TACC2: variants seen among roughly 807,000 people sequenced by gnomAD.
The protein encoded by TACC2 is transforming acidic coiled-coil containing protein 2.
A neutral mutation model predicts 227.3 loss-of-function variants in TACC2; 137 were observed. The observed-to-expected ratio is 0.60, with a 90% CI of 0.52 to 0.69. The LOEUF is 0.69. TACC2 is among the 30% of genes least tolerant of loss of function. The probability of loss-of-function intolerance (pLI) is 0.00; values close to 1 mark genes in which losing one functional copy is unlikely to be tolerated. For synonymous variants in TACC2, 1,523 were observed against 1,487.5 expected (o/e 1.02, Z -0.55); for missense variants, 3,470 against 3,694.4 (o/e 0.94, Z 1.57).
rs1341866497 is a variant in TACC2 at position 122,085,427 on chromosome 10, G to A, written c.2927G>A (p.Gly976Glu). 1 of 1,613,890 alleles carries A rather than the reference G, an allele frequency of 6.2e-7. No individual in the cohort carries two copies. The highest frequency in any genetic ancestry group is 1.7e-5 in the Admixed American group (1 of 60,028). Residue 976 changes from glycine (G) to glutamate (E), a missense_variant, in exon 4 of 23, where the codon GGG becomes GAG. Around this residue, in one of 10 missense-constraint regions of TACC2, gnomAD observed 1,924 missense variants for 1,978.3 expected, o/e 0.97. Transcript: ENST00000369005. ...GTCTTAAAAGACTTTTCTCTTGCAG[G>A]GAACTTCAGCAGAAAGGAAACTTGC... The part of the protein sequence containing the change: ...ADVLKDFSLA[G>E]NFSRKETCCT...
intron 5 of TACC2, among the ~76,000 whole-genome samples, chr10:122,113,772 C>A (rs963054101): frequency 1.3e-5 from 2 of 152,264 alleles, no homozygotes. Flanking sequence ...CGAATAGTTA[C>A]GTCAGCAGGG....
At chr10:122,199,973 C>T (rs2094724486) in intron 8 of TACC2, among the ~76,000 whole-genome samples, 1 of 152,236 alleles carries the variant, frequency 6.6e-6, no homozygotes, top group Admixed American at 6.5e-5. Flanking sequence ...GCCCCACCTC[C>T]TGATACCATC....
At position 122,085,099 on chromosome 10, in the gene TACC2, G is replaced by T; in HGVS notation, c.2599G>T (p.Asp867Tyr). Reference protein sequence around the residue: ...ETSPSHPGFKDQGADSSQIHV... With the variant: ...ETSPSHPGFKYQGADSSQIHV... ...TTCTCCAAGCCATCCAGGTTTTAAG[G>T]ACCAGGGAGCAGATTCTTCCCAAAT... is the stretch of plus-strand genomic sequence containing the variant. The change falls in exon 4 of 23, where the codon GAC becomes TAC. Residue 867 changes from aspartate to tyrosine, a missense_variant. Physicochemically the swap from Asp to Tyr is radical, Grantham distance 160. Transcript: ENST00000369005. The T allele has an allele frequency of 1.2e-6, 2 of 1,614,146 alleles. No individual in the cohort carries two copies. The highest frequency in any genetic ancestry group is 8.5e-7 in the Non-Finnish European group (1 of 1,180,034).
At chr10:122,151,565 G>T (rs1380560412) in intron 7 of TACC2, among the ~76,000 whole-genome samples, 1 of 152,142 alleles carries the variant, frequency 6.6e-6, no homozygotes, top group African/African-American at 2.4e-5. Context: ...CCAGACTGGG[G>T]AGTTTGCTGG....
chr10:122,083,611 G>C lies in TACC2; in HGVS notation c.1111G>C (p.Asp371His), dbSNP rs774795630. The change falls in exon 4 of 23, where the codon GAT becomes CAT. Residue 371 changes from aspartate to histidine, a missense_variant. This residue lies in a region of TACC2 where 1,924 missense variants were observed against 1,978.3 expected (regional missense o/e 0.97). Transcript: ENST00000369005. ...GSGKEALDTI[D>H]VQGHPQTGMR... ...TGGGAAGGAGGCTCTGGACACCATT[G>C]ATGTTCAGGGTCACCCACAGACAGG... 1.9e-6 allele frequency: 3 copies of C among 1,611,944 alleles called. No homozygotes were observed. The highest frequency in any genetic ancestry group is 2.5e-6 in the Non-Finnish European group (3 of 1,180,020).
At chr10:122,190,981 A>AG (rs1270124696) in intron 7 of TACC2, among the ~76,000 whole-genome samples, 9 of 152,332 alleles carry the variant, frequency 5.9e-5, no homozygotes, top group African/African-American at 2.2e-4. Flanking sequence ...AAGGGCACAG[A>AG]TTTTAGAGAC....
intron 3 of TACC2, among the ~76,000 whole-genome samples, chr10:122,071,759 C>A (rs1282776790): frequency 6.8e-6 from 1 of 146,872 alleles, no homozygotes; most frequent in Non-Finnish European, 1.5e-5. Context: ...TGGTGACGGG[C>A]ACCTGTAATC....
At position 122,087,575 on chromosome 10, in the gene TACC2, C is replaced by G. The variant is rs780520493; in HGVS notation, c.5075C>G (p.Pro1692Arg). Residue 1692 changes from proline (P) to arginine (R), a missense_variant, in exon 4 of 23, where the codon CCC (proline) becomes CGC (arginine). Around this residue, in one of 10 missense-constraint regions of TACC2, gnomAD observed 1,924 missense variants for 1,978.3 expected, o/e 0.97. Transcript: ENST00000369005. ...APPTGEVADT[P>R]LEPGKVAGAA... is the part of the protein sequence containing the mutation. Reference sequence around the variant, plus strand: ...CCAACTGGAGAAGTGGCAGACACTCCCCTGGAGCCTGGCAAGGTGGCAGGC... The same window carrying G: ...CCAACTGGAGAAGTGGCAGACACTCGCCTGGAGCCTGGCAAGGTGGCAGGC... The G allele has an allele frequency of 5.6e-6, 9 of 1,613,754 alleles. No homozygotes were observed. Among genetic ancestry groups the G allele is most frequent in the Non-Finnish European group, 7.6e-6 (9 of 1,180,036 alleles).
At chr10:122,061,550 A>G (rs2076827191) in intron 3 of TACC2, among the ~76,000 whole-genome samples, 1 of 152,158 alleles carries the variant, frequency 6.6e-6, no homozygotes, top group Non-Finnish European at 1.5e-5. Context: ...CATCTTTGAG[A>G]GAAAAGCAGA....
At position 122,086,121 on chromosome 10, in the gene TACC2, C is replaced by T. The variant is rs762187942; in HGVS notation, c.3621C>T (p.Thr1207=). The stretch of plus-strand genomic sequence containing the variant: ...AGCTGGGTGGGATTCCCAGGAGCAC[C>T]ATGGATTTTTCTACACACCAGGCTG... The part of the protein sequence containing the change: ...ARELGGIPRS[T]MDFSTHQAVP... The change falls in exon 4 of 23, where the codon ACC becomes ACT. Residue 1207 remains threonine, a synonymous_variant. Coordinates refer to ENST00000369005, the MANE Select transcript of TACC2 (RefSeq NM_206862.4). 1.2e-6 allele frequency: 2 copies of T among 1,613,522 alleles called. No individual in the cohort carries two copies. The highest frequency in any genetic ancestry group is 4.5e-5 in the East Asian group (2 of 44,884).
chr10:122,216,138 G>T (rs955271687), intron 10 of TACC2, among the ~76,000 whole-genome samples: 2 of 152,294 alleles, frequency 1.3e-5, no homozygotes, highest in Admixed American at 6.5e-5. Flanking sequence ...TAGGGGCTCA[G>T]GTCCCAGCTG....
chr10:122,147,502 G>A (rs777896933), intron 7 of TACC2, among the ~76,000 whole-genome samples: 3 of 152,138 alleles, frequency 2.0e-5, no homozygotes, highest in Non-Finnish European at 4.4e-5. Context: ...GTCACTGTGT[G>A]CACATTTAAG....
chr10:122,028,680 T>C (rs1031184924), intron 2 of TACC2, among the ~76,000 whole-genome samples: 5 of 152,040 alleles, frequency 3.3e-5, no homozygotes, highest in Admixed American at 1.3e-4. Flanking sequence ...ATAGGGGCTG[T>C]TTTATTTATT....
At chr10:122,157,341 A>G (rs957014433) in intron 7 of TACC2, among the ~76,000 whole-genome samples, 1 of 152,162 alleles carries the variant, frequency 6.6e-6, no homozygotes, top group African/African-American at 2.4e-5. Context: ...GTTGATTGCC[A>G]GGAGAGCTGA....
At chr10:122,152,051 C>T (rs549042115) in intron 7 of TACC2, among the ~76,000 whole-genome samples, 43 of 152,242 alleles carry the variant, frequency 2.8e-4, no homozygotes, top group African/African-American at 1.0e-3. Flanking sequence ...GGGCCCAGGG[C>T]CAGAAGGGTA....
intron 5 of TACC2, among the ~76,000 whole-genome samples, chr10:122,130,862 C>A (rs1382673976): frequency 7.9e-6 from 1 of 126,034 alleles, no homozygotes; most frequent in African/African-American, 4.6e-5. Flanking sequence ...CATTAGGAAA[C>A]ACTTGTTACT....
chr10:122,242,630 T>C (rs1451369354), intron 19 of TACC2, among the ~76,000 whole-genome samples: 3 of 152,188 alleles, frequency 2.0e-5, no homozygotes, highest in African/African-American at 2.4e-5. Flanking sequence ...TACACATCCC[T>C]GGGCCTTTTT....
intron 3 of TACC2, among the ~76,000 whole-genome samples, chr10:122,057,608 G>C (rs1284183631): frequency 6.6e-6 from 1 of 151,902 alleles, no homozygotes; most frequent in Non-Finnish European, 1.5e-5. Flanking sequence ...TTCGAGACCA[G>C]CCTGACCAAC....
chr10:122,242,872 G>C (rs898496821), intron 19 of TACC2, among the ~76,000 whole-genome samples: 1 of 152,074 alleles, frequency 6.6e-6, no homozygotes, highest in Non-Finnish European at 1.5e-5. Context: ...GGGGTTTAGC[G>C]ATCCTCCTGC....
Sources: allele counts gnomAD v4.1 joint callset (sites outside exome capture counted in the v4.1 genomes callset), GRCh38; gene constraint gnomAD v4.1.1; regional missense constraint gnomAD v4.1.1; transcripts MANE v1.5; gene names NCBI Gene and HGNC (gene_info 2026-07-23, HGNC 2026-07-21).